Variants in ZSCAN31 observed in about 807,000 individuals in gnomAD.
The protein encoded by ZSCAN31 is zinc finger and SCAN domain-containing protein 31.
In ZSCAN31, 14 loss-of-function variants were observed where a neutral mutation model predicts 22.5. The observed-to-expected ratio is 0.62, with a 90% CI of 0.41 to 0.97. The LOEUF is 0.97. Ranked by LOEUF, ZSCAN31 falls within the 50% of genes least tolerant of loss-of-function variation. The pLI is 0.00. For synonymous variants in ZSCAN31, 168 were observed against 169.8 expected (o/e 0.99, Z 0.08); for missense variants, 424 against 483.4 (o/e 0.88, Z 1.15).
At chr6:28,350,112 T>TGTGTGTGTGTGTGTGTGTG (rs1439462758) in intron 2 of ZSCAN31, 1 of 99,400 alleles carries the variant, frequency 1.0e-5, no homozygotes, top group South Asian at 3.4e-4. Flanking sequence ...GTGTGTGTGT[T>TGTGTGTGTGTGTGTGTGTG]TGTGGAGAGA....
chr6:28,326,886 C>T, intron 3 of ZSCAN31, 32 bp from the exon 4 acceptor site: 1 of 1,528,688 alleles, frequency 6.5e-7, no homozygotes, highest in Non-Finnish European at 8.9e-7. Flanking sequence ...ACAATGTAAT[C>T]TCTTTCCTTT....
chr6:28,345,178 GA>G (rs1764597712), intron 2 of ZSCAN31, among the ~76,000 whole-genome samples: 1 of 148,522 alleles, frequency 6.7e-6, no homozygotes, highest in Non-Finnish European at 1.5e-5. Flanking sequence ...AAAAAGAAAA[GA>G]AAAGAAAAAT....
chr6:28,327,660 G>A, intron 2 of ZSCAN31, 127 bp from the exon 3 acceptor site: 1 of 1,118,958 alleles, frequency 8.9e-7, no homozygotes, highest in Non-Finnish European at 1.3e-6. Context: ...GGAAGGACCA[G>A]AGTTTAATTC....
At chr6:28,337,419 T>C (rs1408024550), upstream of ZSCAN31, among the ~76,000 whole-genome samples, 1 of 152,150 alleles carries the variant, frequency 6.6e-6, no homozygotes, top group Admixed American at 6.5e-5. Context: ...GAAATGAGAC[T>C]ACAGGCAGGG....
At position 28,329,676 on chromosome 6, in the gene ZSCAN31, G is replaced by A. The variant is rs762487634; in HGVS notation, c.8C>T (p.Ser3Leu). Residue 3 changes from serine to leucine, a missense_variant, in exon 2 of 4, where the codon TCA (serine) becomes TTA (leucine). Ser to Leu is a moderately radical substitution (Grantham distance 145, BLOSUM62 -2). Coordinates refer to ENST00000344279, the MANE Select transcript of ZSCAN31 (RefSeq NM_030899.5). Reference protein sequence around the residue: MASTEEQYDLKIV... With the variant: MALTEEQYDLKIV... The stretch of plus-strand genomic sequence containing the variant: ...CTTAAGATCGTACTGTTCCTCTGTT[G>A]AAGCCATTCCTGGGGTTAATTTGGA... 2.5e-6 allele frequency: 4 copies of A among 1,609,300 alleles called. No homozygotes were observed. Among genetic ancestry groups the A allele is most frequent in the Non-Finnish European group, 3.4e-6 (4 of 1,177,020 alleles).
chr6:28,335,796 CCTTTCGCTTATTAAA>C (rs1764118745), intron 1 of ZSCAN31: 1 of 152,264 alleles, frequency 6.6e-6, no homozygotes, highest in African/African-American at 2.4e-5. Context: ...AGAGCTTTTT[CCTTTCGCTTATTAAA>C]CTTTCGCTCT....
chr6:28,339,413 C>T (rs577289201), upstream of ZSCAN31, among the ~76,000 whole-genome samples: 7 of 152,202 alleles, frequency 4.6e-5, no homozygotes, highest in South Asian at 2.1e-4. Context: ...TCTCATACCT[C>T]GAGTATCTGG....
chr6:28,341,746 C>G (rs1434976456), exon 3 of ZSCAN31: 2 of 152,160 alleles, frequency 1.3e-5, no homozygotes, highest in Non-Finnish European at 2.9e-5. Flanking sequence ...TCTATCTTAC[C>G]TCATTTGGAG....
Position 28,329,588 on chromosome 6 carries a change from A to G in ZSCAN31, c.96T>C (p.Phe32=). 6.2e-7 allele frequency: 1 copy of G among 1,614,204 alleles called. No homozygotes were observed. Among genetic ancestry groups the G allele is most frequent in the Admixed American group, 1.7e-5 (1 of 60,028 alleles). Residue 32 remains phenylalanine, a synonymous_variant, in exon 2 of 4, where the codon TTT becomes TTC. Transcript: ENST00000344279. ...DQETHLRGNN[F]SGQEASRQLF... is the part of the protein sequence containing the mutation. ...GTTGTCGGGAGGCTTCTTGGCCAGA[A>G]AAGTTGTTCCCTCGAAGGTGGGTTT...
At chr6:28,339,447 C>T (rs1365676983), upstream of ZSCAN31, among the ~76,000 whole-genome samples, 2 of 152,144 alleles carry the variant, frequency 1.3e-5, no homozygotes, top group Non-Finnish European at 2.9e-5. Context: ...TGCCACCACG[C>T]CTGGCAAATT....
chr6:28,330,820 A>C (rs982916510), intron 1 of ZSCAN31, among the ~76,000 whole-genome samples: 5 of 152,230 alleles, frequency 3.3e-5, no homozygotes, highest in African/African-American at 1.2e-4. Flanking sequence ...TAGAAAAAAG[A>C]ATTTCTGACA....
intron 2 of ZSCAN31, among the ~76,000 whole-genome samples, chr6:28,348,268 A>G (rs60698636): frequency 0.098 from 14,849 of 152,160 alleles, 1,072 homozygotes; most frequent in East Asian, 0.31. Context: ...TTGTATGTTT[A>G]TGCAGTTTAA....
rs760696493 is a variant in ZSCAN31 at position 28,329,404 on chromosome 6, C to T, written c.280G>A (p.Glu94Lys). Reference sequence around the variant, plus strand: ...TGCTCCCGCACCCAGGCCTGGAGCTCCTCAGGCAGGATAGTCAGGAATTGC... The same window carrying T: ...TGCTCCCGCACCCAGGCCTGGAGCTTCTCAGGCAGGATAGTCAGGAATTGC... ...LEQFLTILPE[E>K]LQAWVREHHP... Residue 94 changes from glutamate to lysine, a missense_variant, in exon 2 of 4, where the codon GAG (glutamate) becomes AAG (lysine). Glu to Lys is a moderately conservative substitution (Grantham distance 56). Coordinates refer to ENST00000344279, the MANE Select transcript of ZSCAN31 (RefSeq NM_030899.5). The T allele has an allele frequency of 3.1e-6, 5 of 1,614,238 alleles. No homozygotes were observed. Among genetic ancestry groups the T allele is most frequent in the Non-Finnish European group, 3.4e-6 (4 of 1,180,040 alleles).
At chr6:28,350,433 G>A (rs548436649) in intron 2 of ZSCAN31, 1 of 152,314 alleles carries the variant, frequency 6.6e-6, no homozygotes, top group Non-Finnish European at 1.5e-5. Context: ...CTGGCCAAGA[G>A]CCAGAACGTT....
chr6:28,346,446 C>T (rs1191564627), intron 2 of ZSCAN31, among the ~76,000 whole-genome samples: 2 of 149,782 alleles, frequency 1.3e-5, no homozygotes, highest in Admixed American at 1.3e-4. Flanking sequence ...CAACCTCTGC[C>T]TCCCAGGTTC....
chr6:28,343,836 G>GGCCTATATGGCCTATATGGCC (rs1273890337), intron 2 of ZSCAN31, among the ~76,000 whole-genome samples: 1 of 152,038 alleles, frequency 6.6e-6, no homozygotes, highest in Non-Finnish European at 1.5e-5. Context: ...CCTATATGCA[G>GGCCTATATGGCCTATATGGCC]TATATTTTCT....
chr6:28,352,964 CT>C (rs5875156), intron 2 of ZSCAN31, among the ~76,000 whole-genome samples: 34,221 of 129,532 alleles, frequency 0.26, 3,768 homozygotes, highest in African/African-American at 0.38. Context: ...TTTTCTTTTT[CT>C]TTTTTTTTTT....
rs1014277382 is a variant in ZSCAN31, at chr6:28,347,801, T to C, written c.-370-6009A>G. On this transcript the variant is annotated intron_variant, in intron 2 of 7. Coordinates refer to the ZSCAN31 transcript ENST00000396838. This position sits in a 1 kb window ranked among gnomAD's most constrained non-coding sequence, Gnocchi z 5.2. ...ATCATTTTCAGGTTTACCATATATT[T>C]CAACTTTACTATATATTTCAAAATT... 6.6e-6 allele frequency among the ~76,000 whole-genome samples: 1 copy of C among 152,192 alleles called. No homozygotes were observed. Among genetic ancestry groups the C allele is most frequent in the Admixed American group, 6.5e-5 (1 of 15,280 alleles).
chr6:28,327,649 T>A, intron 2 of ZSCAN31, 116 bp from the exon 3 acceptor site: 1 of 1,191,042 alleles, frequency 8.4e-7, no homozygotes, highest in Non-Finnish European at 1.2e-6. Context: ...GATGTCACAG[T>A]GGAAGGACCA....
Sources: allele counts gnomAD v4.1 joint callset (sites outside exome capture counted in the v4.1 genomes callset), GRCh38; gene constraint gnomAD v4.1.1; non-coding constraint Gnocchi (gnomAD v3.1); transcripts MANE v1.5; gene names NCBI Gene and HGNC (gene_info 2026-07-23, HGNC 2026-07-21).